The following KPNA3 variants were observed in gnomAD, a reference collection of about 807,000 sequenced individuals.
KPNA3 encodes importin subunit alpha-4.
In KPNA3, 13 loss-of-function variants were observed where a neutral mutation model predicts 73.8. The ratio of observed to expected loss-of-function variants is 0.18; its 90% CI spans 0.11 to 0.28. The LOEUF (loss-of-function observed/expected upper bound fraction) is 0.28. KPNA3 is among the 10% of genes least tolerant of loss of function. The probability of loss-of-function intolerance (pLI) is 1.00; values close to 1 mark genes in which losing one functional copy is unlikely to be tolerated. For missense variants in KPNA3, 360 were observed against 618.1 expected, an observed-to-expected ratio of 0.58 and a Z score of 4.43; for synonymous variants, 186 against 206.9, an observed-to-expected ratio of 0.90 and a Z score of 0.87.
chr13:49,728,459 G>A (rs549455142), intron 6 of KPNA3, among the ~76,000 whole-genome samples: 2 of 152,148 alleles, frequency 1.3e-5, no homozygotes, highest in South Asian at 4.1e-4. Flanking sequence ...CTTGATAGGT[G>A]TCAAAACCAT....
intron 6 of KPNA3, among the ~76,000 whole-genome samples, chr13:49,730,763 T>G (rs1199736961): frequency 1.5e-5 from 1 of 67,152 alleles, no homozygotes; most frequent in Admixed American, 2.0e-4. Context: ...ATGCTATCCC[T>G]CCCCCCTCCC....
intron 1 of KPNA3, among the ~76,000 whole-genome samples, chr13:49,776,063 C>T (rs932726631): frequency 1.3e-5 from 2 of 152,146 alleles, no homozygotes; most frequent in African/African-American, 2.4e-5. Context: ...CAGCCCCTAT[C>T]GAACTTTTTT....
chr13:49,727,927 T>A lies in KPNA3; in HGVS notation c.384-2426A>T, dbSNP rs190683383. ...AAAGAAATCAGCGGTTTACAAATGG[T>A]TAACTCCTTTTAAGAAGGGACAAGT... On this transcript the variant is annotated intron_variant, in intron 6 of 16. Coordinates refer to ENST00000261667, the MANE Select transcript of KPNA3 (RefSeq NM_002267.4). Among the ~76,000 whole-genome samples the A allele has an allele frequency of 5.3e-5, 8 of 152,222 alleles. No individual in the cohort carries two copies. In the East Asian group the frequency reaches 1.5e-3, roughly 29 times the overall value.
chr13:49,718,420 C>A (rs1014314783), intron 10 of KPNA3, among the ~76,000 whole-genome samples: 2 of 152,178 alleles, frequency 1.3e-5, no homozygotes, highest in African/African-American at 4.8e-5. Context: ...TACACTGCCA[C>A]TTTAATACCC....
At chr13:49,762,347 C>T (rs996215966) in intron 1 of KPNA3, among the ~76,000 whole-genome samples, 75 of 152,232 alleles carry the variant, frequency 4.9e-4, no homozygotes, top group Non-Finnish European at 9.0e-4. Context: ...GCCCGGCCAC[C>T]ACTCCGTCTG....
chr13:49,760,451 G>A (rs926570149), intron 1 of KPNA3, among the ~76,000 whole-genome samples: 35 of 149,220 alleles, frequency 2.3e-4, no homozygotes, highest in African/African-American at 8.1e-4. Context: ...CAGATTATGA[G>A]AACCTCCATG....
chr13:49,734,954 T>TAGAGAGAGAGAGAG (rs10675449), intron 2 of KPNA3, among the ~76,000 whole-genome samples: 30,579 of 145,644 alleles, frequency 0.21, 3,784 homozygotes, highest in Non-Finnish European at 0.28. Context: ...GAGAGATAGA[T>TAGAGAGAGAGAGAG]AGAGAGAGAG....
chr13:49,703,075 A>G lies in KPNA3; in HGVS notation c.1373-595T>C, dbSNP rs936899171. Among the ~76,000 whole-genome samples, 9 of 151,634 alleles carry G rather than the reference A, an allele frequency of 5.9e-5. No homozygotes were observed. The South Asian group carries it at 8.4e-4, about 14-fold the overall frequency. On this transcript the variant is annotated intron_variant, in intron 15 of 16. Transcript: ENST00000261667. ...AGCAGAGACGGGGTTTCACTATGTT[A>G]GCCAGGATGATCTTGATCTCCTGAC...
chr13:49,785,565 AATG>A (rs1954975456), intron 1 of KPNA3, among the ~76,000 whole-genome samples: 1 of 152,194 alleles, frequency 6.6e-6, no homozygotes, highest in Non-Finnish European at 1.5e-5. Context: ...CGCACATTGA[AATG>A]ATGATTAAAG....
chr13:49,767,757 T>G (rs1016845215), intron 1 of KPNA3, among the ~76,000 whole-genome samples: 6 of 152,180 alleles, frequency 3.9e-5, no homozygotes, highest in African/African-American at 7.2e-5. Context: ...GAAACGAGGA[T>G]ATCACAATCT....
chr13:49,704,545 A>AAATG (rs1223878307), intron 15 of KPNA3, among the ~76,000 whole-genome samples: 1 of 151,720 alleles, frequency 6.6e-6, no homozygotes, highest in Non-Finnish European at 1.5e-5. Flanking sequence ...TTTTCTCTTA[A>AAATG]AATAAATAAA....
In KPNA3 at chr13:49,701,803, A is replaced by C; in HGVS notation, c.1563T>G (p.Phe521Leu). The C allele has an allele frequency of 6.3e-7, 1 of 1,592,138 alleles. No homozygotes were observed. The highest frequency in any genetic ancestry group is 8.6e-7 in the Non-Finnish European group (1 of 1,159,934). ...TANLQTKEFN[F>L] ...AAGATGCTGCACTCAACTGAATTTA[A>C]AAATTAAATTCTTTTGTTTGAAGGT... Residue 521 changes from phenylalanine to leucine, a missense_variant, in exon 17 of 17, where the codon TTT becomes TTG. Phe to Leu is a conservative substitution (Grantham distance 22, BLOSUM62 0). Around this residue, in one of 3 missense-constraint regions of KPNA3, gnomAD observed 38 missense variants for 39.0 expected, o/e 0.98. Transcript: ENST00000261667.
intron 15 of KPNA3, among the ~76,000 whole-genome samples, chr13:49,703,957 T>C (rs1476384485): frequency 1.3e-5 from 2 of 152,194 alleles, no homozygotes; most frequent in African/African-American, 4.8e-5. Flanking sequence ...GATAAAAAGC[T>C]GAAGAGTAGT....
At chr13:49,706,454 TAAC>T in intron 12 of KPNA3, 82 bp from the exon 13 acceptor site, 1 of 915,392 alleles carries the variant, frequency 1.1e-6, no homozygotes, top group South Asian at 1.7e-5. Flanking sequence ...ATATAGACAA[TAAC>T]AAAATCACCT....
intron 11 of KPNA3, 58 bp from the exon 12 acceptor site, chr13:49,709,758 A>C: frequency 6.6e-7 from 1 of 1,511,688 alleles, no homozygotes; most frequent in Non-Finnish European, 9.0e-7. Flanking sequence ...CTAATTCTAT[A>C]TTTTTCATAA....
intron 7 of KPNA3, among the ~76,000 whole-genome samples, chr13:49,724,416 G>A (rs1319248763): frequency 2.0e-5 from 3 of 151,552 alleles, no homozygotes; most frequent in South Asian, 2.1e-4. Flanking sequence ...CCATTCTCCC[G>A]CCTCAGCCTC....
At chr13:49,713,297 AACACAC>A (rs35263412) in intron 10 of KPNA3, among the ~76,000 whole-genome samples, 2 of 148,602 alleles carry the variant, frequency 1.3e-5, no homozygotes, top group African/African-American at 2.5e-5. Context: ...GCAGAGAATA[AACACAC>A]ACACACACAC....
At chr13:49,706,235 T>G in intron 13 of KPNA3, 33 bp downstream of exon 13, 1 of 1,610,084 alleles carries the variant, frequency 6.2e-7, no homozygotes, top group Non-Finnish European at 8.5e-7. Context: ...ATTAACAGAT[T>G]AACAGACACG....
At chr13:49,755,157 A>G (rs1954699899) in intron 1 of KPNA3, among the ~76,000 whole-genome samples, 1 of 152,182 alleles carries the variant, frequency 6.6e-6, no homozygotes, top group Non-Finnish European at 1.5e-5. Flanking sequence ...ACTAGAAGTC[A>G]CTATACTAGC....
Sources: gnomAD v4.1 joint callset for allele counts (sites outside exome capture counted in the v4.1 genomes callset) on GRCh38, gnomAD v4.1.1 for gene constraint, gnomAD v4.1.1 regional missense constraint, MANE v1.5 for transcripts, NCBI Gene and HGNC (gene_info 2026-07-23, HGNC 2026-07-21) for gene names.